Variants in ADGRL4 observed in about 807,000 individuals in gnomAD.
The protein encoded by ADGRL4 is adhesion G protein-coupled receptor L4, also known as EGF, latrophilin and seven transmembrane domain containing 1.
In ADGRL4, 90 loss-of-function variants were observed where a neutral mutation model predicts 74.8. The ratio of observed to expected loss-of-function variants is 1.20; its 90% CI spans 1.02 to 1.43. The LOEUF (loss-of-function observed/expected upper bound fraction) is 1.43. Ranked by LOEUF, ADGRL4 falls within the 40% of genes most tolerant of loss-of-function variation. The pLI, the probability that ADGRL4 is intolerant of heterozygous loss-of-function variation, is 0.00. For missense variants in ADGRL4, 881 were observed against 814.3 expected (o/e 1.08, Z -1.00); for synonymous variants, 311 against 279.2 (o/e 1.11, Z -1.14).
intron 2 of ADGRL4, among the ~76,000 whole-genome samples, chr1:78,969,214 G>A (rs1004204882): frequency 1.3e-5 from 2 of 152,112 alleles, no homozygotes; most frequent in Admixed American, 1.3e-4. Context: ...TTAACTTATG[G>A]CAATATCATC....
chr1:78,950,734 A>G (rs1220792955), intron 2 of ADGRL4, among the ~76,000 whole-genome samples: 1 of 152,178 alleles, frequency 6.6e-6, no homozygotes, highest in East Asian at 1.9e-4. Flanking sequence ...AATACTTAAA[A>G]TATCAGTGGG....
intron 8 of ADGRL4, among the ~76,000 whole-genome samples, chr1:78,923,435 C>A (rs933943428): frequency 7.9e-5 from 12 of 151,968 alleles, no homozygotes; most frequent in Admixed American, 3.9e-4. Flanking sequence ...TGGCCAGGAG[C>A]CTGCCTGATG....
chr1:78,999,051 A>C (rs946444186), intron 2 of ADGRL4, among the ~76,000 whole-genome samples: 1 of 152,198 alleles, frequency 6.6e-6, no homozygotes, highest in African/African-American at 2.4e-5. Context: ...TAAAGAGAGT[A>C]AATAAGGAAG....
At chr1:78,986,898 A>T (rs1310993479) in intron 2 of ADGRL4, among the ~76,000 whole-genome samples, 1 of 151,810 alleles carries the variant, frequency 6.6e-6, no homozygotes, top group East Asian at 1.9e-4. Context: ...TCTAAAAACT[A>T]ATTTGACCAC....
rs180774075 is a variant in ADGRL4, at chr1:78,981,701, C to A, written c.172+23369G>T. ...TGGTCTTACAGAAATAAATAAAGTT[C>A]TATTTTTATGTCTTGGTTTACCCCA... On this transcript the variant is annotated intron_variant, in intron 2 of 14. Coordinates refer to ENST00000370742, the MANE Select transcript of ADGRL4 (RefSeq NM_022159.4). Among the ~76,000 whole-genome samples, 404 of 151,802 alleles carry A rather than the reference C, an allele frequency of 2.7e-3. 3 individuals are homozygous for A. The highest frequency in any genetic ancestry group is 9.2e-3 in the African/African-American group (383 of 41,442).
At chr1:78,973,162 A>C (rs1326260361) in intron 2 of ADGRL4, among the ~76,000 whole-genome samples, 1 of 152,038 alleles carries the variant, frequency 6.6e-6, no homozygotes, top group Non-Finnish European at 1.5e-5. Context: ...AATTTGGTTC[A>C]TATTTTAGAA....
chr1:78,948,726 T>C (rs889332271), intron 2 of ADGRL4, among the ~76,000 whole-genome samples: 2 of 152,112 alleles, frequency 1.3e-5, no homozygotes, highest in African/African-American at 4.8e-5. Context: ...AAAATAGAAA[T>C]TAAACTAGTT....
chr1:78,917,743 T>C (rs759651942), intron 11 of ADGRL4, 43 bp from the exon 12 acceptor site: 24 of 1,584,754 alleles, frequency 1.5e-5, no homozygotes, highest in African/African-American at 2.7e-5. Flanking sequence ...TATGTTTGCA[T>C]GTATGTTAAC....
At position 78,967,528 on chromosome 1, in the gene ADGRL4, T is replaced by C. The variant is rs565240089; in HGVS notation, c.173-21102A>G. Among the ~76,000 whole-genome samples, 3 of 152,292 alleles carry C rather than the reference T, an allele frequency of 2.0e-5. No homozygotes were observed. In the South Asian group the frequency reaches 6.2e-4, roughly 32 times the overall value. Reference sequence around the variant, plus strand: ...AAAATGTGTTTTTAGTAAATGGTTATAATAAAGGCATAGAAATGTAAATTT... The same window carrying C: ...AAAATGTGTTTTTAGTAAATGGTTACAATAAAGGCATAGAAATGTAAATTT... On this transcript the variant is annotated intron_variant, in intron 2 of 14. Transcript: ENST00000370742.
intron 2 of ADGRL4, among the ~76,000 whole-genome samples, chr1:78,985,826 A>G (rs1295271316): frequency 5.9e-5 from 9 of 151,998 alleles, no homozygotes; most frequent in Admixed American, 3.9e-4. Context: ...TATACACACT[A>G]TGGAATACTA....
At chr1:78,892,287 T>G (rs958156510) in intron 13 of ADGRL4, among the ~76,000 whole-genome samples, 35 of 152,240 alleles carry the variant, frequency 2.3e-4, no homozygotes, top group African/African-American at 8.2e-4. Flanking sequence ...TCTTAAAAAT[T>G]AAAGAAAAAA....
At chr1:78,968,693 A>T (rs543138032) in intron 2 of ADGRL4, among the ~76,000 whole-genome samples, 3 of 152,064 alleles carry the variant, frequency 2.0e-5, no homozygotes, top group Non-Finnish European at 4.4e-5. Context: ...AGCTGGACTG[A>T]TAGGGAAAAT....
At chr1:78,952,505 A>G (rs11807346) in intron 2 of ADGRL4, among the ~76,000 whole-genome samples, 2,181 of 152,074 alleles carry the variant, frequency 0.014, 55 homozygotes, top group African/African-American at 0.05. Context: ...TGAATACCAA[A>G]GTAAAAATAC....
intron 12 of ADGRL4, among the ~76,000 whole-genome samples, chr1:78,903,829 A>G (rs144637134): frequency 0.011 from 1,639 of 151,844 alleles, 28 homozygotes; most frequent in African/African-American, 0.037. Context: ...CCAGCTACTC[A>G]GGAGGCTGAG....
rs1648275691 is a variant in ADGRL4, at chr1:78,891,625, G to A, written c.1909C>T (p.His637Tyr). 3 of 1,613,288 alleles carry A rather than the reference G, an allele frequency of 1.9e-6. No individual in the cohort carries two copies. Among genetic ancestry groups the A allele is most frequent in the African/African-American group, 2.7e-5 (2 of 74,852 alleles). ...LGTTWIFGVLHVVHASVVTAY... is the reference protein window; with the variant it reads ...LGTTWIFGVLYVVHASVVTAY... ...GTAACCACTGATGCGTGCACAACAT[G>A]GAGAACCCCAAAGATCCAGGTGGTG... The change falls in exon 14 of 15, where the codon CAT (histidine) becomes TAT (tyrosine). Residue 637 changes from histidine (H) to tyrosine (Y), a missense_variant. Coordinates refer to ENST00000370742, the MANE Select transcript of ADGRL4 (RefSeq NM_022159.4).
chr1:78,969,247 T>C (rs1650122057), intron 2 of ADGRL4, among the ~76,000 whole-genome samples: 1 of 152,194 alleles, frequency 6.6e-6, no homozygotes, highest in Non-Finnish European at 1.5e-5. Flanking sequence ...GCAATAAGAA[T>C]CCATTTTTCT....
intron 2 of ADGRL4, among the ~76,000 whole-genome samples, chr1:78,975,767 G>A (rs888137652): frequency 6.6e-6 from 1 of 151,738 alleles, no homozygotes; most frequent in Non-Finnish European, 1.5e-5. Context: ...ATGGAACTAA[G>A]AGCAACCTAG....
At chr1:78,893,060 A>C in intron 13 of ADGRL4, 38 bp downstream of exon 13, 1 of 802,814 alleles carries the variant, frequency 1.2e-6, no homozygotes, top group Non-Finnish European at 1.7e-6. Context: ...TTAATTACCA[A>C]AAAAAAAAAA....
chr1:79,000,936 G>A (rs1650826892), intron 2 of ADGRL4, among the ~76,000 whole-genome samples: 1 of 151,990 alleles, frequency 6.6e-6, no homozygotes, highest in Non-Finnish European at 1.5e-5. Flanking sequence ...AAGCTCCTCT[G>A]AGATACGTAA....
Sources: allele counts gnomAD v4.1 joint callset (sites outside exome capture counted in the v4.1 genomes callset), GRCh38; gene constraint gnomAD v4.1.1; transcripts MANE v1.5; gene names NCBI Gene and HGNC (gene_info 2026-07-23, HGNC 2026-07-21).